Variants in SLC36A1 observed in about 807,000 individuals in gnomAD.
SLC36A1 encodes the protein solute carrier family 36 member 1.
In SLC36A1, 30 loss-of-function variants were observed where a neutral mutation model predicts 47.5. The observed-to-expected ratio is 0.63, with a 90% CI of 0.47 to 0.86. The LOEUF (loss-of-function observed/expected upper bound fraction) is 0.86, where lower values mean the gene tolerates loss of function less well. Among genes scored for constraint, SLC36A1 ranks in the 40% least tolerant of loss-of-function variants. SLC36A1 has a pLI of 0.00. For missense variants in SLC36A1, 517 were observed against 606.0 expected (o/e 0.85, Z 1.54); for synonymous variants, 255 against 249.7 (o/e 1.02, Z -0.20).
At chr5:151,361,850 T>G in the SLC36A1 span, among the ~76,000 whole-genome samples, 2 of 152,254 alleles carry the variant, frequency 1.3e-5, no homozygotes, top group Admixed American at 1.3e-4. Context: ...AGTAGTATTC[T>G]TGGATGACAG....
chr5:151,511,979 G>A, the SLC36A1 span: 1 of 605,654 alleles, frequency 1.7e-6, no homozygotes, highest in Non-Finnish European at 3.0e-6. Context: ...TTTGTTGAGA[G>A]GGAAGGAAGA....
chr5:151,487,761 A>G (rs189761420), intron 10 of SLC36A1, among the ~76,000 whole-genome samples: 192 of 152,340 alleles, frequency 1.3e-3, no homozygotes, highest in East Asian at 5.0e-3. Flanking sequence ...CGGAGCCAGA[A>G]GATCCGGGTT....
At chr5:151,374,866 A>G in the SLC36A1 span, among the ~76,000 whole-genome samples, 1 of 148,268 alleles carries the variant, frequency 6.7e-6, no homozygotes, top group African/African-American at 2.5e-5. Flanking sequence ...AAATGTCTAC[A>G]TATGTCATTT....
the SLC36A1 span, among the ~76,000 whole-genome samples, chr5:151,397,646 C>G: frequency 4.7e-4 from 72 of 152,032 alleles, 2 homozygotes; most frequent in Admixed American, 2.0e-4. Flanking sequence ...TGCCTGTAGT[C>G]CCAGCTACTG....
At chr5:151,545,529 A>G in the SLC36A1 span, 1 of 1,614,196 alleles carries the variant, frequency 6.2e-7, no homozygotes, top group Non-Finnish European at 8.5e-7. Flanking sequence ...GAGGGGAATC[A>G]TTCACATCTC....
At chr5:151,543,481 G>C in the SLC36A1 span, 2 of 1,614,196 alleles carry the variant, frequency 1.2e-6, no homozygotes, top group Non-Finnish European at 1.7e-6. Flanking sequence ...GACTCTCTCT[G>C]TTGAATTTTC....
chr5:151,442,399 A>G (rs896519439), intron 1 of SLC36A1, among the ~76,000 whole-genome samples: 11 of 152,170 alleles, frequency 7.2e-5, no homozygotes, highest in Non-Finnish European at 1.5e-4. Context: ...TGACATAACT[A>G]TACATATTTA....
chr5:151,347,437 C>T, the SLC36A1 span: 1 of 1,614,126 alleles, frequency 6.2e-7, no homozygotes, highest in Non-Finnish European at 8.5e-7. Context: ...CCTGGGGACC[C>T]TCAGTACTTT....
chr5:151,468,266 AATATATATAT>A (rs1554113501), intron 7 of SLC36A1, among the ~76,000 whole-genome samples: 3 of 63,832 alleles, frequency 4.7e-5, no homozygotes, highest in Admixed American at 3.6e-4. Flanking sequence ...AAAAAAAAAA[AATATATATAT>A]ATATATATAT....
chr5:151,505,979 G>C, the SLC36A1 span: 1 of 1,573,830 alleles, frequency 6.4e-7, no homozygotes, highest in South Asian at 1.2e-5. Flanking sequence ...TCACGACTGG[G>C]GTTGAGTGGC....
chr5:151,555,515 A>G, the SLC36A1 span, among the ~76,000 whole-genome samples: 1 of 151,284 alleles, frequency 6.6e-6, no homozygotes, highest in Non-Finnish European at 1.5e-5. Context: ...GATTACAAGC[A>G]CCCGCCACCA....
the SLC36A1 span, among the ~76,000 whole-genome samples, chr5:151,556,025 G>C: frequency 7.9e-4 from 121 of 152,328 alleles, no homozygotes; most frequent in Middle Eastern, 3.4e-3. Context: ...GAATGATTCT[G>C]TCTGCCTGAG....
chr5:151,446,837 G>T (rs1035902316), upstream of SLC36A1, among the ~76,000 whole-genome samples: 3 of 152,076 alleles, frequency 2.0e-5, no homozygotes, highest in African/African-American at 7.2e-5. Flanking sequence ...CTCTCTAGTT[G>T]CTCTATCCAT....
chr5:151,392,323 C>G, the SLC36A1 span, among the ~76,000 whole-genome samples: 1 of 152,080 alleles, frequency 6.6e-6, no homozygotes, highest in African/African-American at 2.4e-5. Flanking sequence ...AGCAGTCTAT[C>G]AATTTTGCTG....
At chr5:151,471,508 C>G (rs925206315) in intron 7 of SLC36A1, among the ~76,000 whole-genome samples, 12 of 152,154 alleles carry the variant, frequency 7.9e-5, no homozygotes, top group Admixed American at 5.9e-4. Context: ...GAGTCATTCA[C>G]TAACCAACAG....
the SLC36A1 span, among the ~76,000 whole-genome samples, chr5:151,396,246 G>A: frequency 6.6e-6 from 1 of 151,948 alleles, no homozygotes; most frequent in Non-Finnish European, 1.5e-5. Context: ...CCAAGTAGCT[G>A]GGACTGCATG....
chr5:151,371,063 A>G, the SLC36A1 span, among the ~76,000 whole-genome samples: 2 of 152,154 alleles, frequency 1.3e-5, no homozygotes, highest in African/African-American at 2.4e-5. Context: ...GTTTAGCAGC[A>G]TCCTTGGCCT....
chr5:151,537,643 C>T, the SLC36A1 span: 4 of 675,628 alleles, frequency 5.9e-6, no homozygotes, highest in Non-Finnish European at 9.6e-6. Flanking sequence ...TATTATGTCC[C>T]CAGTACAATG....
chr5:151,387,939 C>T, the SLC36A1 span, among the ~76,000 whole-genome samples: 2 of 152,332 alleles, frequency 1.3e-5, no homozygotes, highest in East Asian at 3.9e-4. Context: ...TTGGACCTGA[C>T]ACTGGCATGA....
Sources: allele counts gnomAD v4.1 joint callset (sites outside exome capture counted in the v4.1 genomes callset), GRCh38; gene constraint gnomAD v4.1.1; transcripts MANE v1.5; gene names NCBI Gene and HGNC (gene_info 2026-07-23, HGNC 2026-07-21).